THRB: variants seen among roughly 807,000 people sequenced by gnomAD.
THRB encodes the protein nuclear receptor subfamily 1 group A member 2.
Under a neutral mutation model 47.8 loss-of-function variants are expected in THRB, and 12 were observed. The ratio of observed to expected loss-of-function variants is 0.25; its 90% CI spans 0.16 to 0.41. The LOEUF is 0.41. Among genes scored for constraint, THRB ranks in the 10% least tolerant of loss-of-function variants. THRB has a pLI of 1.00. For synonymous variants in THRB, 218 were observed against 212.2 expected, an observed-to-expected ratio of 1.03 and a Z score of -0.24; for missense variants, 348 against 589.2, an observed-to-expected ratio of 0.59 and a Z score of 4.24.
At chr3:24,255,008 T>C (rs2051102663) in intron 3 of THRB, among the ~76,000 whole-genome samples, 1 of 152,220 alleles carries the variant, frequency 6.6e-6, no homozygotes. Context: ...CTGCACTTAT[T>C]GTATTCCCAT....
In THRB at chr3:24,384,448, A is replaced by C. The variant is rs2065935422; in HGVS notation, c.-260-47077T>G. On this transcript the variant is annotated intron_variant, in intron 1 of 10. Coordinates refer to ENST00000646209, the MANE Select transcript of THRB (RefSeq NM_001354712.2). ...AAATCATTCACAGCAAAGAAATCTC[A>C]TTCAGATAACATCTAGCAGAACACT... is the stretch of plus-strand genomic sequence containing the variant. 1.3e-5 allele frequency among the ~76,000 whole-genome samples: 2 copies of C among 152,078 alleles called. 1 individual carries two copies. Among genetic ancestry groups the C allele is most frequent in the Admixed American group, 1.3e-4 (2 of 15,258 alleles).
chr3:24,157,716 G>A (rs1031375492), intron 5 of THRB, among the ~76,000 whole-genome samples: 1 of 152,076 alleles, frequency 6.6e-6, no homozygotes, highest in Non-Finnish European at 1.5e-5. Context: ...TTGTTTCGTA[G>A]AGATGGGGTC....
In THRB at chr3:24,120,222, AG is replaced by A. The variant is rs139700964; in HGVS notation, c.*2661del. The A allele has an allele frequency of 0.16, 25,086 of 152,170 alleles. 2,179 individuals carry two copies. Among genetic ancestry groups the A allele is most frequent in the African/African-American group, 0.22 (8,951 of 41,486 alleles). 9.4% of individuals were successfully genotyped at this position (152,170 alleles called of 1,614,324 possible). ...CCTATGGCCTTTCCTTTCAACCTGAAGGTGGGCTAAGGCTTGTCCTACTCCG... is the reference window on the plus strand; with the variant it reads ...CCTATGGCCTTTCCTTTCAACCTGAAGTGGGCTAAGGCTTGTCCTACTCCG... On this transcript the variant is annotated 3_prime_UTR_variant, in exon 11 of 11. Coordinates refer to ENST00000646209, the MANE Select transcript of THRB (RefSeq NM_001354712.2).
In THRB at chr3:24,392,067, A is replaced by G. The variant is rs555867095; in HGVS notation, c.-260-54696T>C. 2.0e-5 allele frequency among the ~76,000 whole-genome samples: 3 copies of G among 152,248 alleles called. No individual in the cohort carries two copies. In the South Asian group the frequency reaches 6.2e-4, roughly 32 times the overall value. On this transcript the variant is annotated intron_variant, in intron 1 of 10. Transcript: ENST00000646209. ...CTGAGAATTTTGCCATTTCCAAAGC[A>G]CTTTTATGTGCATCTTTTTATTGAA...
At chr3:24,469,325 T>C (rs901571869) in intron 1 of THRB, among the ~76,000 whole-genome samples, 10 of 152,300 alleles carry the variant, frequency 6.6e-5, no homozygotes, top group African/African-American at 2.4e-4. Flanking sequence ...AGTTATTAAT[T>C]AATTCTTAAG....
At chr3:24,313,603 C>A (rs1436519306) in intron 2 of THRB, among the ~76,000 whole-genome samples, 1 of 152,114 alleles carries the variant, frequency 6.6e-6, no homozygotes, top group Non-Finnish European at 1.5e-5. Flanking sequence ...TTAGTGTTAT[C>A]CCTTTTCACT....
Position 24,146,650 on chromosome 3 carries a change from A to T in THRB, c.532+25T>A, listed in dbSNP as rs747991273. ...GTTTCCTAATCAACATTCCTTGAAT[A>T]TGAAGCAAGTGAAGATCTACTTACA... On this transcript the variant is annotated intron_variant, in intron 7 of 10. Coordinates refer to ENST00000646209, the MANE Select transcript of THRB (RefSeq NM_001354712.2). 21 of 1,613,400 alleles carry T rather than the reference A, an allele frequency of 1.3e-5. No individual in the cohort carries two copies. The African/African-American group carries it at 2.0e-4, about 15-fold the overall frequency.
chr3:24,225,811 C>A (rs1175936405), intron 4 of THRB, among the ~76,000 whole-genome samples: 2 of 152,030 alleles, frequency 1.3e-5, no homozygotes, highest in African/African-American at 4.8e-5. Flanking sequence ...TATCAAGGTA[C>A]TTTTTTACTT....
chr3:24,188,765 C>CACAT (rs1401513488), intron 5 of THRB, among the ~76,000 whole-genome samples: 7 of 150,668 alleles, frequency 4.6e-5, no homozygotes, highest in Admixed American at 4.6e-4. Context: ...CGTGCACACA[C>CACAT]ACACACACAT....
At chr3:24,334,326 T>C (rs1021192873) in intron 2 of THRB, among the ~76,000 whole-genome samples, 2 of 152,112 alleles carry the variant, frequency 1.3e-5, no homozygotes, top group African/African-American at 2.4e-5. Context: ...CTAAGATATA[T>C]GAGAAGTCTG....
intron 3 of THRB, among the ~76,000 whole-genome samples, chr3:24,271,600 C>T (rs1038371723): frequency 6.6e-6 from 1 of 152,088 alleles, no homozygotes; most frequent in Non-Finnish European, 1.5e-5. Context: ...AATACACCCC[C>T]CTGGGCCCTC....
intron 1 of THRB, among the ~76,000 whole-genome samples, chr3:24,444,879 C>T (rs1474095655): frequency 2.6e-5 from 4 of 152,084 alleles, no homozygotes; most frequent in African/African-American, 9.7e-5. Flanking sequence ...GCACCGTGCC[C>T]GGTCCAAGAT....
intron 1 of THRB, among the ~76,000 whole-genome samples, chr3:24,424,230 G>A (rs1449444837): frequency 6.6e-6 from 1 of 151,662 alleles, no homozygotes; most frequent in Non-Finnish European, 1.5e-5. Flanking sequence ...TCAGTTAATT[G>A]TTCTGGGGCG....
intron 1 of THRB, among the ~76,000 whole-genome samples, chr3:24,357,211 G>A (rs2063728973): frequency 1.3e-5 from 2 of 149,174 alleles, no homozygotes; most frequent in African/African-American, 4.9e-5. Context: ...AAATCTCAGA[G>A]CTTCAAGGGA....
intron 1 of THRB, among the ~76,000 whole-genome samples, chr3:24,461,249 G>A (rs1164344443): frequency 1.3e-5 from 2 of 152,176 alleles, no homozygotes; most frequent in East Asian, 3.8e-4. Context: ...TTTACTCACT[G>A]TGCCACCGCA....
intron 3 of THRB, among the ~76,000 whole-genome samples, chr3:24,249,949 T>G (rs534100084): frequency 1.1e-3 from 165 of 152,342 alleles, no homozygotes; most frequent in African/African-American, 3.2e-3. Flanking sequence ...TGATATAGTC[T>G]TCACCATTAC....
intron 3 of THRB, among the ~76,000 whole-genome samples, chr3:24,265,057 T>C (rs1358718968): frequency 6.6e-6 from 1 of 152,020 alleles, no homozygotes; most frequent in African/African-American, 2.4e-5. Flanking sequence ...ATTAACTGAG[T>C]GGAGAACTGA....
intron 4 of THRB, among the ~76,000 whole-genome samples, 157 bp from the exon 5 acceptor site, chr3:24,190,491 C>G (rs1194212154): frequency 6.6e-6 from 1 of 151,850 alleles, no homozygotes; most frequent in Non-Finnish European, 1.5e-5. Flanking sequence ...ATTTGTCAGC[C>G]TTGGGCATTT....
chr3:24,495,067 T>G (rs1560331260), upstream of THRB: 1 of 151,646 alleles, frequency 6.6e-6, no homozygotes, highest in Non-Finnish European at 1.5e-5. Context: ...GGCACCAGAG[T>G]CCCCGCCTCT....
Sources: gnomAD v4.1 joint callset for allele counts (sites outside exome capture counted in the v4.1 genomes callset) on GRCh38, gnomAD v4.1.1 for gene constraint, MANE v1.5 for transcripts, NCBI Gene and HGNC (gene_info 2026-07-23, HGNC 2026-07-21) for gene names.